Variants in GLIS3 observed in about 807,000 individuals in gnomAD.
GLIS3 encodes the protein GLIS family zinc finger 3.
A neutral mutation model predicts 78.6 loss-of-function variants in GLIS3; 53 were observed. The ratio of observed to expected loss-of-function variants is 0.67; its 90% CI spans 0.54 to 0.85. The LOEUF is 0.85. Ranked by LOEUF, GLIS3 falls within the 40% of genes least tolerant of loss-of-function variation. GLIS3 has a pLI of 0.00. For synonymous variants in GLIS3, 684 were observed against 509.9 expected (o/e 1.34, Z -4.60); for missense variants, 1,703 against 1,231.1 (o/e 1.38, Z -5.74).
chr9:4,072,742 T>G (rs1365570276), intron 4 of GLIS3, among the ~76,000 whole-genome samples: 2 of 105,500 alleles, frequency 1.9e-5, no homozygotes, highest in African/African-American at 7.4e-5. Context: ...AAGAGAACTG[T>G]TTTTTTTTGT....
In GLIS3 at chr9:3,885,967, T is replaced by C. The variant is rs116168422; in HGVS notation, c.2129-6372A>G. Among the ~76,000 whole-genome samples, 890 of 152,324 alleles carry C rather than the reference T, an allele frequency of 5.8e-3. 7 individuals carry two copies. Among genetic ancestry groups the C allele is most frequent in the African/African-American group, 0.02 (840 of 41,580 alleles). ...GTTTCTTCATCTTAAATAAGGATAA[T>C]ACCTCACTGGACTGTGACGAGGATT... On this transcript the variant is annotated intron_variant, in intron 7 of 10. Coordinates refer to ENST00000381971, the MANE Select transcript of GLIS3 (RefSeq NM_001042413.2).
chr9:4,251,543 T>A (rs750086159), intron 2 of GLIS3, among the ~76,000 whole-genome samples: 3 of 151,912 alleles, frequency 2.0e-5, no homozygotes, highest in Non-Finnish European at 4.4e-5. Flanking sequence ...AGCACACCAA[T>A]GAGTCTTGAG....
intron 4 of GLIS3, among the ~76,000 whole-genome samples, chr9:4,077,489 A>G (rs1283196248): frequency 2.0e-5 from 3 of 152,220 alleles, no homozygotes; most frequent in African/African-American, 7.2e-5. Flanking sequence ...CAAAAAAAGG[A>G]AAGAGATTTT....
chr9:4,231,529 T>TGAGCAG (rs1360930231), intron 2 of GLIS3, among the ~76,000 whole-genome samples: 3 of 152,104 alleles, frequency 2.0e-5, no homozygotes, highest in Non-Finnish European at 4.4e-5. Flanking sequence ...ATAGAAAGCA[T>TGAGCAG]GAGCAGGAGA....
At chr9:4,191,260 C>G (rs1325932695) in intron 2 of GLIS3, among the ~76,000 whole-genome samples, 1 of 152,058 alleles carries the variant, frequency 6.6e-6, no homozygotes, top group East Asian at 1.9e-4. Flanking sequence ...AGAGTCAAGA[C>G]CCATCAGTGT....
In GLIS3 at chr9:3,835,995, C is replaced by T. The variant is rs192933338; in HGVS notation, c.2474-6503G>A. On this transcript the variant is annotated intron_variant, in intron 9 of 10. Coordinates refer to ENST00000381971, the MANE Select transcript of GLIS3 (RefSeq NM_001042413.2). ...ATATGACAATAGAAAATTTTCTTTA[C>T]GGGATACATAGAGATGTAATTCTCT... 1.2e-4 allele frequency among the ~76,000 whole-genome samples: 18 copies of T among 152,192 alleles called. No homozygotes were observed. In the East Asian group the frequency reaches 2.5e-3, roughly 21 times the overall value.
At chr9:3,946,064 A>T (rs1459432082) in intron 4 of GLIS3, among the ~76,000 whole-genome samples, 1 of 152,032 alleles carries the variant, frequency 6.6e-6, no homozygotes, top group South Asian at 2.1e-4. Flanking sequence ...CATCCTACTG[A>T]CCCTTTAGCT....
intron 2 of GLIS3, among the ~76,000 whole-genome samples, chr9:4,184,165 G>C (rs542822514): frequency 6.6e-6 from 1 of 152,056 alleles, no homozygotes; most frequent in African/African-American, 2.4e-5. Context: ...AAAATCAAGG[G>C]TATAAGCAAT....
At chr9:4,300,208 TCACACACA>T (rs35733770), upstream of GLIS3, among the ~76,000 whole-genome samples, 41,686 of 142,634 alleles carry the variant, frequency 0.29, 6,059 homozygotes, top group East Asian at 0.33. Flanking sequence ...CTTGACGCAT[TCACACACA>T]CACACACACA....
chr9:4,437,236 G>T, the GLIS3 span, among the ~76,000 whole-genome samples: 1 of 152,168 alleles, frequency 6.6e-6, no homozygotes, highest in South Asian at 2.1e-4. Flanking sequence ...ACTTTTGATT[G>T]CTGGACCCCC....
At chr9:4,217,450 G>A (rs1820956610) in intron 2 of GLIS3, among the ~76,000 whole-genome samples, 2 of 152,294 alleles carry the variant, frequency 1.3e-5, no homozygotes, top group South Asian at 4.1e-4. Flanking sequence ...ATCATGGGCA[G>A]ACATTTCTAA....
At chr9:4,098,747 G>A (rs894560130) in intron 4 of GLIS3, among the ~76,000 whole-genome samples, 1 of 152,108 alleles carries the variant, frequency 6.6e-6, no homozygotes, top group African/African-American at 2.4e-5. Context: ...AAATGGAAAT[G>A]TAAAATTCCA....
Position 4,347,878 on chromosome 9 carries a change from A to G in GLIS3, n.161+354T>C, listed in dbSNP as rs12341066. On this transcript the variant is annotated intron_variant and non_coding_transcript_variant, in intron 1 of 4. Transcript: ENST00000471664. The stretch of plus-strand genomic sequence containing the variant: ...GCCTTTTGACTGTGGCTCATTAGCC[A>G]TTCTAGTAAAGGGAACAATAGAGTG... Among the ~76,000 whole-genome samples, 993 of 152,282 alleles carry G rather than the reference A, an allele frequency of 6.5e-3. 13 individuals carry two copies. The highest frequency in any genetic ancestry group is 0.023 in the African/African-American group (942 of 41,538).
chr9:4,389,029 A>C, the GLIS3 span, among the ~76,000 whole-genome samples: 4 of 152,318 alleles, frequency 2.6e-5, no homozygotes, highest in African/African-American at 9.6e-5. Context: ...TCAAAGCAAG[A>C]GCACTTAAGC....
At chr9:3,875,853 C>A (rs1000743609) in intron 8 of GLIS3, among the ~76,000 whole-genome samples, 1 of 152,152 alleles carries the variant, frequency 6.6e-6, no homozygotes, top group Admixed American at 6.5e-5. Context: ...ATTCTCCCAT[C>A]ATATAAAGTA....
At chr9:4,278,073 CTAAAAG>C (rs929241160) in intron 2 of GLIS3, among the ~76,000 whole-genome samples, 29 of 152,114 alleles carry the variant, frequency 1.9e-4, no homozygotes, top group African/African-American at 7.0e-4. Context: ...AAACATAAAA[CTAAAAG>C]TAACTCTTCC....
At chr9:4,366,368 G>T in the GLIS3 span, among the ~76,000 whole-genome samples, 1 of 152,052 alleles carries the variant, frequency 6.6e-6, no homozygotes, top group African/African-American at 2.4e-5. Flanking sequence ...CCAAGGCAAC[G>T]AGTTAAAACG....
intron 2 of GLIS3, among the ~76,000 whole-genome samples, chr9:4,321,331 A>T (rs2130546817): frequency 7.9e-6 from 1 of 126,406 alleles, no homozygotes; most frequent in African/African-American, 3.9e-5. Flanking sequence ...CTGAGGCAGG[A>T]GAATGGCGTG....
At chr9:3,863,400 G>A (rs1820361818) in intron 8 of GLIS3, among the ~76,000 whole-genome samples, 1 of 152,230 alleles carries the variant, frequency 6.6e-6, no homozygotes, top group Admixed American at 6.5e-5. Flanking sequence ...ACAGCCGCTG[G>A]GAAGTGTGGG....
Sources: allele counts gnomAD v4.1 joint callset (sites outside exome capture counted in the v4.1 genomes callset), GRCh38; gene constraint gnomAD v4.1.1; transcripts MANE v1.5; gene names NCBI Gene and HGNC (gene_info 2026-07-23, HGNC 2026-07-21).